Variants in SHPK observed in about 807,000 individuals in gnomAD.
SHPK encodes the protein carbohydrate kinase-like protein.
A neutral mutation model predicts 46.3 loss-of-function variants in SHPK; 51 were observed. That is an observed-to-expected ratio of 1.10 (90% CI 0.88 to 1.39). SHPK has a LOEUF of 1.39. SHPK is among the 40% of genes most tolerant of loss of function. The pLI is 0.00. For missense variants in SHPK, 668 were observed against 641.3 expected (o/e 1.04, Z -0.45); for synonymous variants, 290 against 273.9 (o/e 1.06, Z -0.58).
chr17:3,626,016 G>T (rs541329401), intron 2 of SHPK, among the ~76,000 whole-genome samples: 1 of 152,046 alleles, frequency 6.6e-6, no homozygotes, highest in Admixed American at 6.6e-5. Context: ...TCGCACCACT[G>T]CACTCCAGCC....
At position 3,621,399 on chromosome 17, in the gene SHPK, C is replaced by T. The variant is rs1270560783; in HGVS notation, c.661G>A (p.Gly221Ser). 7 of 1,613,682 alleles carry T rather than the reference C, an allele frequency of 4.3e-6. No homozygotes were observed. The highest frequency in any genetic ancestry group is 5.9e-6 in the Non-Finnish European group (7 of 1,179,844). The change falls in exon 5 of 7, where the codon GGT becomes AGT. Residue 221 changes from glycine to serine, a missense_variant. Coordinates refer to ENST00000225519, the MANE Select transcript of SHPK (RefSeq NM_013276.4). The stretch of plus-strand genomic sequence containing the variant: ...TCTGGGAGCAGGTGGACAGGAAAAC[C>T]CGAGCTCCTCAGTCTGTAAAACAGA... ...SWNVETLRSS[G>S]FPVHLLPDIA...
chr17:3,614,575 C>T (rs1206934224), intron 6 of SHPK, among the ~76,000 whole-genome samples: 1 of 151,394 alleles, frequency 6.6e-6, no homozygotes, highest in Non-Finnish European at 1.5e-5. Context: ...AGGCCAGGCA[C>T]AGTGGCTCAT....
intron 6 of SHPK, among the ~76,000 whole-genome samples, 156 bp from the exon 7 acceptor site, chr17:3,611,128 C>G (rs903144868): frequency 4.6e-5 from 7 of 152,194 alleles, no homozygotes; most frequent in Non-Finnish European, 1.0e-4. Flanking sequence ...TATAGCCAGG[C>G]TAGCTACACT....
chr17:3,621,562 CCT>C (rs2075402309), intron 4 of SHPK, 150 bp from the exon 5 acceptor site: 3 of 639,618 alleles, frequency 4.7e-6, no homozygotes, highest in South Asian at 4.1e-5. Context: ...TTACTCCTTC[CCT>C]CTTTCCCTCC....
At chr17:3,614,371 A>C (rs1036880601) in intron 6 of SHPK, among the ~76,000 whole-genome samples, 10 of 151,888 alleles carry the variant, frequency 6.6e-5, no homozygotes, top group Non-Finnish European at 1.5e-4. Context: ...AAAAATACAA[A>C]AAAATTAGCT....
chr17:3,613,112 T>C (rs2075350497), intron 6 of SHPK, among the ~76,000 whole-genome samples: 1 of 152,208 alleles, frequency 6.6e-6, no homozygotes. Flanking sequence ...ACATTCTGCA[T>C]TTGTTAAAAG....
intron 1 of SHPK, 128 bp downstream of exon 1, chr17:3,635,924 T>G: frequency 2.1e-6 from 2 of 946,500 alleles, no homozygotes; most frequent in South Asian, 1.8e-5. Context: ...GACGGGCCCC[T>G]GGAGAAGCTG....
intron 6 of SHPK, among the ~76,000 whole-genome samples, chr17:3,613,527 C>G (rs558209931): frequency 6.6e-6 from 1 of 152,274 alleles, no homozygotes; most frequent in East Asian, 1.9e-4. Flanking sequence ...TGCCACCACA[C>G]CTGGCTAACT....
At chr17:3,628,346 G>A (rs1043425876) in intron 2 of SHPK, among the ~76,000 whole-genome samples, 2 of 147,670 alleles carry the variant, frequency 1.4e-5, no homozygotes, top group African/African-American at 2.5e-5. Flanking sequence ...TTTTTGAGAC[G>A]AAGTCTTGTT....
rs146880159 is a variant in SHPK at position 3,619,508 on chromosome 17, G to T, written c.823+1729C>A. The T allele has an allele frequency of 1.2e-3, 808 of 681,978 alleles. 2 individuals carry two copies. The African/African-American group carries it at 0.013, about 11-fold the overall frequency. The allele number at this position is 681,978 out of a possible 1,614,324, so 42.2% of individuals were successfully genotyped here. ...CCAGCACTTTGGGAGGCCAAGGCAG[G>T]CAGATCACAAGGTGAAGAGATTGAG... On this transcript the variant is annotated intron_variant, in intron 5 of 6. Coordinates refer to ENST00000225519, the MANE Select transcript of SHPK (RefSeq NM_013276.4).
chr17:3,611,430 G>A (rs544499646), intron 6 of SHPK, among the ~76,000 whole-genome samples: 2 of 152,310 alleles, frequency 1.3e-5, no homozygotes, highest in South Asian at 2.1e-4. Flanking sequence ...TTAACCGGGC[G>A]TGGTGGCAGG....
rs1284934786 is a variant in SHPK, at chr17:3,610,757, G to T, written c.1240C>A (p.Leu414Ile). The change falls in exon 7 of 7, where the codon CTT becomes ATT. Residue 414 changes from leucine to isoleucine, a missense_variant. Leu to Ile is a conservative substitution (Grantham distance 5). Coordinates refer to ENST00000225519, the MANE Select transcript of SHPK (RefSeq NM_013276.4). ...RGIVQNLHSM[L>I]PIQQLQEWGV... ...CACTCCTGGAGCTGCTGAATCGGAA[G>T]CATGGAGTGCAGGTTCTGAACAATG... 1 of 1,614,116 alleles carries T rather than the reference G, an allele frequency of 6.2e-7. No homozygotes were observed. The highest frequency in any genetic ancestry group is 1.1e-5 in the South Asian group (1 of 91,074).
rs1317886227 is a variant in SHPK at position 3,610,976 on chromosome 17, C to T, written c.1025-4G>A. 6.3e-7 allele frequency: 1 copy of T among 1,598,360 alleles called. No individual in the cohort carries two copies. The highest frequency in any genetic ancestry group is 8.5e-7 in the Non-Finnish European group (1 of 1,169,640). On this transcript the variant is annotated splice_region_variant and splice_polypyrimidine_tract_variant and intron_variant, in intron 6 of 6. Transcript: ENST00000225519. ...GTGGATTCTTCAACCTCCAGGCCTG[C>T]CAGAGACAGAGAAGATCTGTGTAAG...
chr17:3,619,342 T>A, intron 5 of SHPK: 1 of 1,309,336 alleles, frequency 7.6e-7, no homozygotes, highest in Non-Finnish European at 1.1e-6. Context: ...GTGAGAGTTA[T>A]CTGGACCTTG....
intron 1 of SHPK, among the ~76,000 whole-genome samples, chr17:3,632,686 A>T (rs766477839): frequency 3.3e-5 from 5 of 152,124 alleles, no homozygotes; most frequent in Non-Finnish European, 7.4e-5. Flanking sequence ...GTTGGTCTAC[A>T]TCCACGTCGA....
At chr17:3,611,538 C>T (rs1007940430) in intron 6 of SHPK, among the ~76,000 whole-genome samples, 3 of 152,152 alleles carry the variant, frequency 2.0e-5, no homozygotes, top group African/African-American at 7.2e-5. Flanking sequence ...CACTGCACTC[C>T]AGCCTGGGCA....
intron 5 of SHPK, among the ~76,000 whole-genome samples, chr17:3,615,902 T>C (rs1417446708): frequency 6.8e-6 from 1 of 147,968 alleles, no homozygotes; most frequent in Non-Finnish European, 1.5e-5. Context: ...TCACCCAGGC[T>C]GGAGTGCAAT....
intron 5 of SHPK, among the ~76,000 whole-genome samples, chr17:3,618,779 CA>C (rs111887915): frequency 0.066 from 8,798 of 132,496 alleles, 365 homozygotes; most frequent in African/African-American, 0.13. Context: ...GACTCCATCT[CA>C]AAAAAAAAAA....
intron 2 of SHPK, among the ~76,000 whole-genome samples, chr17:3,628,874 C>T (rs886637510): frequency 2.0e-5 from 3 of 152,102 alleles, no homozygotes; most frequent in African/African-American, 7.2e-5. Flanking sequence ...GTCTTGAACT[C>T]CTGGCCTCAA....
Sources: allele counts gnomAD v4.1 joint callset (sites outside exome capture counted in the v4.1 genomes callset), GRCh38; gene constraint gnomAD v4.1.1; transcripts MANE v1.5; gene names NCBI Gene and HGNC (gene_info 2026-07-23, HGNC 2026-07-21).